ZNF276: variants seen among roughly 807,000 people sequenced by gnomAD.
The protein encoded by ZNF276 is zinc finger protein 276, also known as centromere protein Z.
ZNF276 carries 59 observed loss-of-function variants against 63.9 expected under a neutral mutation model. That is an observed-to-expected ratio of 0.92 (90% CI 0.75 to 1.15). ZNF276 has a LOEUF of 1.15. Ranked by LOEUF, ZNF276 falls within the 50% of genes most tolerant of loss-of-function variation. ZNF276 has a pLI of 0.00. For missense variants in ZNF276, 1,084 were observed against 843.8 expected (o/e 1.28, Z -3.53); for synonymous variants, 496 against 348.4 (o/e 1.42, Z -4.72).
At chr16:89,734,957 A>G (rs535746307) in intron 9 of ZNF276, among the ~76,000 whole-genome samples, 1 of 152,268 alleles carries the variant, frequency 6.6e-6, no homozygotes, top group East Asian at 1.9e-4. Context: ...TCAGCAGTTC[A>G]AGACCAGCCT....
upstream of ZNF276, chr16:89,720,661 C>T (rs1296186396): frequency 4.8e-6 from 6 of 1,241,432 alleles, no homozygotes; most frequent in East Asian, 3.4e-5. Context: ...GCGCCCGCTC[C>T]CAAGTCTCCA....
upstream of ZNF276, chr16:89,720,601 G>A (rs1416497799): frequency 3.3e-6 from 4 of 1,227,656 alleles, no homozygotes; most frequent in Non-Finnish European, 4.1e-6. Flanking sequence ...ACGCCCGGCT[G>A]CGCCCCGCCC....
chr16:89,722,971 G>A, intron 2 of ZNF276, 137 bp downstream of exon 2: 2 of 1,564,762 alleles, frequency 1.3e-6, no homozygotes, highest in Admixed American at 1.8e-5. Context: ...AGTGCCAACA[G>A]CCCTGGGACT....
At chr16:89,736,456 C>G (rs902671613) in intron 9 of ZNF276, among the ~76,000 whole-genome samples, 1 of 151,908 alleles carries the variant, frequency 6.6e-6, no homozygotes, top group Admixed American at 6.6e-5. Flanking sequence ...TCCCGAGTAG[C>G]TGGGACTACA....
Position 89,734,005 on chromosome 16 carries a change from T to G in ZNF276, c.1441T>G (p.Tyr481Asp), listed in dbSNP as rs1476532704. ...GCNKVFMIDR[Y>D]LQRHVKLIHT... Reference sequence around the variant, plus strand: ...CAACAAGGTTTTCATGATCGACCGCTACCTGCAGCGCCACGTGAAGCTCAT... The same window carrying G: ...CAACAAGGTTTTCATGATCGACCGCGACCTGCAGCGCCACGTGAAGCTCAT... The change falls in exon 9 of 11, where the codon TAC (tyrosine) becomes GAC (aspartate). Residue 481 changes from tyrosine to aspartate, a missense_variant. Coordinates refer to ENST00000443381, the MANE Select transcript of ZNF276 (RefSeq NM_001113525.2). The G allele has an allele frequency of 1.9e-6, 3 of 1,614,100 alleles. No individual in the cohort carries two copies. The highest frequency in any genetic ancestry group is 2.5e-6 in the Non-Finnish European group (3 of 1,180,034).
chr16:89,724,348 C>CT (rs2061403661), intron 4 of ZNF276, among the ~76,000 whole-genome samples: 2 of 152,206 alleles, frequency 1.3e-5, no homozygotes, highest in African/African-American at 4.8e-5. Context: ...TCAGTTCCCA[C>CT]TTTGAGTCTT....
intron 9 of ZNF276, among the ~76,000 whole-genome samples, chr16:89,734,695 C>G (rs540740543): frequency 6.6e-6 from 1 of 152,116 alleles, no homozygotes; most frequent in Non-Finnish European, 1.5e-5. Context: ...CGTGGACAGG[C>G]GGGAGGCACG....
Position 89,737,818 on chromosome 16 carries a change from A to AT in ZNF276, c.1488dup (p.Ile497TyrfsTer3). 2 of 1,614,142 alleles carry AT rather than the reference A, an allele frequency of 1.2e-6. No individual in the cohort carries two copies. The highest frequency in any genetic ancestry group is 1.7e-6 in the Non-Finnish European group (2 of 1,180,040). ...TCTCCCCTCTCAGAGGTGCGGAACT[A>AT]TATCTGTGACGAATGTGGACAAACC... is the stretch of plus-strand genomic sequence containing the variant. On this transcript the variant is annotated frameshift_variant, in exon 10 of 11. Transcript: ENST00000443381. LOFTEE classifies it high-confidence loss of function.
chr16:89,729,251 G>A lies in ZNF276; in HGVS notation c.1102G>A (p.Asp368Asn), dbSNP rs1165143232. The A allele has an allele frequency of 1.9e-6, 3 of 1,614,024 alleles. No homozygotes were observed. The highest frequency in any genetic ancestry group is 1.7e-5 in the Admixed American group (1 of 60,006). The change falls in exon 6 of 11, where the codon GAT becomes AAT. Residue 368 changes from aspartate (D) to asparagine (N), a missense_variant. Transcript: ENST00000443381. ...AATTCCTAGAGACGTCTTGAGTGAA[G>A]ATGAAAATGACAAGAAGCAAAATGC... Reference protein sequence around the residue: ...DLSEGDVLSEDENDKKQNAQS... With the variant: ...DLSEGDVLSENENDKKQNAQS...
At chr16:89,734,791 T>C (rs553232665) in intron 9 of ZNF276, among the ~76,000 whole-genome samples, 2 of 152,356 alleles carry the variant, frequency 1.3e-5, no homozygotes, top group South Asian at 4.1e-4. Context: ...GTGCTGTCTC[T>C]GTGCCCGTCT....
chr16:89,738,192 A>G lies in ZNF276; in HGVS notation c.1791A>G (p.Pro597=). Residue 597 remains proline, a synonymous_variant, in exon 11 of 11, where the codon CCA becomes CCG. Coordinates refer to ENST00000443381, the MANE Select transcript of ZNF276 (RefSeq NM_001113525.2). Reference sequence around the variant, plus strand: ...TGGAGGCGGAACCACCACCTGGGCCACCGAGCCCCTCTGTGACCACAGAGG... The same window carrying G: ...TGGAGGCGGAACCACCACCTGGGCCGCCGAGCCCCTCTGTGACCACAGAGG... ...LPLEAEPPPG[P]PSPSVTTEGQ... 6.2e-7 allele frequency: 1 copy of G among 1,611,076 alleles called. No homozygotes were observed. The highest frequency in any genetic ancestry group is 1.7e-5 in the Admixed American group (1 of 59,728).
chr16:89,725,558 G>C (rs985069521), intron 4 of ZNF276, among the ~76,000 whole-genome samples: 1 of 151,944 alleles, frequency 6.6e-6, no homozygotes, highest in African/African-American at 2.4e-5. Context: ...CTGGGATGCT[G>C]AGGTAGGCGG....
chr16:89,728,349 C>G (rs888128455), intron 5 of ZNF276, among the ~76,000 whole-genome samples: 3 of 151,874 alleles, frequency 2.0e-5, no homozygotes, highest in Non-Finnish European at 4.4e-5. Flanking sequence ...CTCAGCCTCC[C>G]GAGTAGCTGG....
At chr16:89,722,228 C>T (rs1032256557) in intron 1 of ZNF276, among the ~76,000 whole-genome samples, 3 of 152,192 alleles carry the variant, frequency 2.0e-5, no homozygotes, top group Non-Finnish European at 4.4e-5. Context: ...TCCTGGAGGG[C>T]GCAGCGCCTG....
In ZNF276 at chr16:89,739,041, T is replaced by C. The variant is rs1340283229; in HGVS notation, c.*795T>C. 1.1e-5 allele frequency: 18 copies of C among 1,613,780 alleles called. No individual in the cohort carries two copies. Among genetic ancestry groups the C allele is most frequent in the African/African-American group, 8.0e-5 (6 of 74,938 alleles). On this transcript the variant is annotated 3_prime_UTR_variant, in exon 11 of 11. Transcript: ENST00000443381. The stretch of plus-strand genomic sequence containing the variant: ...AGAAACAGGGCTGGTGTGTCCCCCA[T>C]AGTCTGCATGCTGTGCCGGAACATT...
At position 89,739,517 on chromosome 16, in the gene ZNF276, G is replaced by A. The variant is rs182657062; in HGVS notation, c.*1271G>A. ...AGGCAGCAGCCTGGTGTGCTGATCC[G>A]GGGCCACACGGAGGAGGAGCCGCCC... On this transcript the variant is annotated 3_prime_UTR_variant, in exon 11 of 11. Transcript: ENST00000443381. 2.3e-5 allele frequency: 36 copies of A among 1,551,320 alleles called. No homozygotes were observed. The highest frequency in any genetic ancestry group is 4.9e-5 in the East Asian group (2 of 40,934).
intron 9 of ZNF276, chr16:89,737,518 C>CA: frequency 2.3e-6 from 1 of 425,792 alleles, no homozygotes. Flanking sequence ...GAAACTCCAT[C>CA]TCAAAAAAAA....
chr16:89,735,105 C>A (rs1231984534), intron 9 of ZNF276, among the ~76,000 whole-genome samples: 4 of 152,118 alleles, frequency 2.6e-5, no homozygotes, highest in Non-Finnish European at 5.9e-5. Flanking sequence ...TGCACTCCAG[C>A]CTGGGCAACA....
At position 89,737,880 on chromosome 16, in the gene ZNF276, C is replaced by T. The variant is rs763134179; in HGVS notation, c.1549C>T (p.Arg517Ter). Residue 517 changes from arginine to a stop codon, truncating the protein, a stop_gained, in exon 10 of 11, where the codon CGA becomes TGA. Transcript: ENST00000443381. LOFTEE classifies it high-confidence loss of function. ...GAAGCACCTTCTCGTCCACCAAATG[C>T]GACATTCGGGAGCCAAGCCTTTGCA... ...QRKHLLVHQM[R>*]HSGAKPLQCE... is the part of the protein sequence containing the mutation. 6 of 1,613,808 alleles carry T rather than the reference C, an allele frequency of 3.7e-6. No individual in the cohort carries two copies. The highest frequency in any genetic ancestry group is 2.7e-5 in the African/African-American group (2 of 74,794).
Sources: allele counts gnomAD v4.1 joint callset (sites outside exome capture counted in the v4.1 genomes callset), GRCh38; gene constraint gnomAD v4.1.1; transcripts MANE v1.5; gene names NCBI Gene and HGNC (gene_info 2026-07-23, HGNC 2026-07-21).